Variants in ARL14EPL observed in about 807,000 individuals in gnomAD.
The protein encoded by ARL14EPL is ARF like GTPase 14 effector protein like.
A neutral mutation model predicts 15.9 loss-of-function variants in ARL14EPL; 17 were observed. The observed-to-expected ratio is 1.07, with a 90% CI of 0.73 to 1.60. The LOEUF is 1.60. Ranked by LOEUF, ARL14EPL falls within the 40% of genes most tolerant of loss-of-function variation. The pLI is 0.00. For missense variants in ARL14EPL, 214 were observed against 185.9 expected (o/e 1.15, Z -0.88); for synonymous variants, 78 against 63.8 (o/e 1.22, Z -1.06).
intron 1 of ARL14EPL, among the ~76,000 whole-genome samples, chr5:116,036,692 C>G (rs1329847033): frequency 6.6e-6 from 1 of 152,072 alleles, no homozygotes; most frequent in South Asian, 2.1e-4. Flanking sequence ...AAAATATAAC[C>G]TAGAAATATG....
At chr5:116,058,485 A>C (rs1252502429) in intron 3 of ARL14EPL, among the ~76,000 whole-genome samples, 1 of 152,168 alleles carries the variant, frequency 6.6e-6, no homozygotes. Flanking sequence ...GCCTGGCTGC[A>C]CTGGAAGTTG....
In ARL14EPL at chr5:116,054,098, C is replaced by T. The variant is rs1749458494; in HGVS notation, c.181C>T (p.Gln61Ter). ...AGACTTTAATCCTGAAACAAGGCAG[C>T]AGAAAAAGAAAGCCCGGATGTCAAA... ...VADFNPETRQQKKKARMSKMN... is the reference protein window; with the variant it reads ...VADFNPETRQ Residue 61 changes from glutamine to a stop codon, truncating the protein, a stop_gained, in exon 3 of 4, where the codon CAG (glutamine) becomes TAG (stop). Coordinates refer to ENST00000686077, the MANE Select transcript of ARL14EPL (RefSeq NM_001195581.2). LOFTEE classifies it high-confidence loss of function. The T allele has an allele frequency of 6.5e-7, 1 of 1,535,464 alleles. No homozygotes were observed. The highest frequency in any genetic ancestry group is 2.0e-5 in the Admixed American group (1 of 50,960).
intron 3 of ARL14EPL, among the ~76,000 whole-genome samples, chr5:116,058,323 G>C (rs1300271807): frequency 6.6e-6 from 1 of 152,168 alleles, no homozygotes; most frequent in Non-Finnish European, 1.5e-5. Context: ...ATCTGTTAGG[G>C]AAAAATCTAT....
intron 1 of ARL14EPL, among the ~76,000 whole-genome samples, chr5:116,041,311 A>C (rs1749153665): frequency 6.6e-6 from 1 of 152,072 alleles, no homozygotes; most frequent in Non-Finnish European, 1.5e-5. Context: ...CTTTATTATT[A>C]TTTTTCAATA....
At chr5:116,058,455 A>T (rs1437112951) in intron 3 of ARL14EPL, among the ~76,000 whole-genome samples, 1 of 152,172 alleles carries the variant, frequency 6.6e-6, no homozygotes, top group African/African-American at 2.4e-5. Flanking sequence ...GGAAAAATGA[A>T]GTGTTACTCT....
intron 1 of ARL14EPL, among the ~76,000 whole-genome samples, chr5:116,050,800 C>CTG (rs1245222859): frequency 7.3e-6 from 1 of 137,378 alleles, no homozygotes; most frequent in African/African-American, 2.8e-5. Flanking sequence ...CTCTCTCTCT[C>CTG]TCTCTCTCTC....
intron 1 of ARL14EPL, among the ~76,000 whole-genome samples, chr5:116,033,386 T>G (rs954342476): frequency 2.0e-5 from 3 of 152,226 alleles, no homozygotes; most frequent in African/African-American, 7.2e-5. Flanking sequence ...TAGATGATGT[T>G]GCCCAACTGG....
intron 1 of ARL14EPL, among the ~76,000 whole-genome samples, chr5:116,036,932 AT>A (rs5870684): frequency 0.41 from 60,873 of 149,794 alleles, 12,527 homozygotes; most frequent in African/African-American, 0.49. Flanking sequence ...GCAATTAAAG[AT>A]TTTTTTTTTT....
chr5:116,047,983 A>T (rs1749304803), intron 1 of ARL14EPL, among the ~76,000 whole-genome samples: 1 of 152,148 alleles, frequency 6.6e-6, no homozygotes, highest in Non-Finnish European at 1.5e-5. Context: ...TCATTTTGAG[A>T]TATTGCTTTT....
At chr5:116,044,975 A>G (rs2112672431) in intron 1 of ARL14EPL, among the ~76,000 whole-genome samples, 1 of 152,182 alleles carries the variant, frequency 6.6e-6, no homozygotes, top group Admixed American at 6.5e-5. Flanking sequence ...CCACCCTACT[A>G]GTTCGTCTTC....
At chr5:116,051,063 G>A (rs1202079840) in intron 1 of ARL14EPL, 1 of 153,604 alleles carries the variant, frequency 6.5e-6, no homozygotes, top group African/African-American at 2.4e-5. Context: ...GAAACCATGA[G>A]AGTGGATGAG....
Position 116,054,147 on chromosome 5 carries a change from A to G in ARL14EPL, c.230A>G (p.Lys77Arg), listed in dbSNP as rs1288786808. Residue 77 changes from lysine to arginine, a missense_variant, in exon 3 of 4, where the codon AAA becomes AGA. By Grantham distance (26) the Lys-to-Arg change is conservative. Transcript: ENST00000686077. ...MSKMNEYFST[K>R]YKIMRKYDKS... ...AAGATGAATGAATATTTTTCTACCA[A>G]ATACAAGTAAGATTCTGACTTATTG... 9.1e-6 allele frequency: 14 copies of G among 1,534,932 alleles called. No individual in the cohort carries two copies. Among genetic ancestry groups the G allele is most frequent in the African/African-American group, 1.4e-5 (1 of 73,124 alleles).
At chr5:116,045,147 T>C (rs1749241197) in intron 1 of ARL14EPL, among the ~76,000 whole-genome samples, 1 of 152,170 alleles carries the variant, frequency 6.6e-6, no homozygotes, top group Non-Finnish European at 1.5e-5. Context: ...TCTGAATATA[T>C]ATTGCTATAT....
intron 2 of ARL14EPL, chr5:116,051,947 T>G: frequency 1.2e-6 from 2 of 1,610,042 alleles, no homozygotes; most frequent in Non-Finnish European, 1.7e-6. Context: ...ATCTCCACCC[T>G]TGGTATTTCT....
At chr5:116,034,223 G>A (rs73783075) in intron 1 of ARL14EPL, among the ~76,000 whole-genome samples, 1,620 of 152,272 alleles carry the variant, frequency 0.011, 27 homozygotes, top group African/African-American at 0.037. Context: ...CAACAAAGGC[G>A]GTTAGTCCCA....
chr5:116,042,401 G>C (rs1301868858), intron 1 of ARL14EPL, among the ~76,000 whole-genome samples: 1 of 152,156 alleles, frequency 6.6e-6, no homozygotes, highest in African/African-American at 2.4e-5. Flanking sequence ...ATCCAGTGAA[G>C]GAGCTACTGG....
At chr5:116,056,567 A>G (rs547191644) in intron 3 of ARL14EPL, among the ~76,000 whole-genome samples, 6 of 152,148 alleles carry the variant, frequency 3.9e-5, no homozygotes, top group Admixed American at 1.3e-4. Context: ...AGATGAGTAG[A>G]TTGCAAAAAT....
intron 1 of ARL14EPL, among the ~76,000 whole-genome samples, chr5:116,040,843 T>C (rs1350541826): frequency 7.6e-5 from 11 of 144,800 alleles, no homozygotes; most frequent in Admixed American, 1.4e-4. Context: ...TAGTCGGGCG[T>C]GGTGGCGGGC....
At chr5:116,058,660 T>C (rs6860908) in intron 3 of ARL14EPL, 65 bp from the exon 4 acceptor site, 1,439,836 of 1,441,436 alleles carry the variant, frequency 1, 719,142 homozygotes, top group African/African-American at 1. Flanking sequence ...TGATTGTACA[T>C]TAATTTATTC....
Sources: allele counts gnomAD v4.1 joint callset (sites outside exome capture counted in the v4.1 genomes callset), GRCh38; gene constraint gnomAD v4.1.1; transcripts MANE v1.5; gene names NCBI Gene and HGNC (gene_info 2026-07-23, HGNC 2026-07-21).